Variants in PTPRN2 observed in about 807,000 individuals in gnomAD.
PTPRN2 encodes the protein protein tyrosine phosphatase receptor type N2, also known as receptor-type tyrosine-protein phosphatase N2.
PTPRN2 carries 74 observed loss-of-function variants against 118.8 expected under a neutral mutation model. That is an observed-to-expected ratio of 0.62 (90% CI 0.52 to 0.76). The LOEUF (loss-of-function observed/expected upper bound fraction) is 0.76, where lower values mean the gene tolerates loss of function less well. Ranked by LOEUF, PTPRN2 falls within the 30% of genes least tolerant of loss-of-function variation. The pLI, the probability that PTPRN2 is intolerant of heterozygous loss-of-function variation, is 0.00. For synonymous variants in PTPRN2, 641 were observed against 608.0 expected, an observed-to-expected ratio of 1.05 and a Z score of -0.80; for missense variants, 1,481 against 1,394.4, an observed-to-expected ratio of 1.06 and a Z score of -0.99.
chr7:158,575,089 G>A (rs1828252812), intron 1 of PTPRN2, among the ~76,000 whole-genome samples: 1 of 152,150 alleles, frequency 6.6e-6, no homozygotes. Flanking sequence ...TTCAACATTT[G>A]GAACATGCTA....
At chr7:158,541,755 G>A in intron 1 of PTPRN2, 6 of 1,193,396 alleles carry the variant, frequency 5.0e-6, no homozygotes, top group Non-Finnish European at 6.3e-6. Flanking sequence ...AACCCAAAAG[G>A]GCTGCGGACG....
intron 1 of PTPRN2, among the ~76,000 whole-genome samples, chr7:158,527,997 G>A (rs1824920219): frequency 6.6e-6 from 1 of 152,200 alleles, no homozygotes; most frequent in African/African-American, 2.4e-5. Flanking sequence ...ACACACAGCA[G>A]GGACTCAGCA....
chr7:157,637,964 G>C (rs986029158), intron 14 of PTPRN2, among the ~76,000 whole-genome samples: 5 of 152,244 alleles, frequency 3.3e-5, no homozygotes, highest in African/African-American at 4.8e-5. Context: ...TCCATAAGCA[G>C]AGGAGAAACA....
intron 11 of PTPRN2, among the ~76,000 whole-genome samples, chr7:158,021,399 T>C (rs1024185475): frequency 3.3e-5 from 5 of 152,004 alleles, no homozygotes; most frequent in African/African-American, 1.2e-4. Context: ...GACAAGACCA[T>C]GAGAAACTTC....
At chr7:157,661,459 C>T (rs895186506) in intron 13 of PTPRN2, among the ~76,000 whole-genome samples, 6 of 151,430 alleles carry the variant, frequency 4.0e-5, no homozygotes, top group African/African-American at 1.5e-4. Context: ...CTGCGGGCTT[C>T]CGCCTGGGAA....
chr7:158,185,711 A>G (rs10247715), intron 5 of PTPRN2, among the ~76,000 whole-genome samples: 97,070 of 151,984 alleles, frequency 0.64, 31,671 homozygotes, highest in East Asian at 0.78. Flanking sequence ...TCCATCCTTT[A>G]GGTCTAAGTT....
chr7:158,587,633 G>C lies in PTPRN2; in HGVS notation c.37C>G (p.Leu13Val), dbSNP rs2129453445. 1 of 1,369,910 alleles carries C rather than the reference G, an allele frequency of 7.3e-7. No homozygotes were observed. Among genetic ancestry groups the C allele is most frequent in the South Asian group, 1.7e-5 (1 of 59,210 alleles). The allele number at this position is 1,369,910 out of a possible 1,614,324, so 84.9% of individuals were successfully genotyped here. The change falls in exon 1 of 23, where the codon CTG becomes GTG. Residue 13 changes from leucine to valine, a missense_variant. Leu to Val is a conservative substitution (Grantham distance 32). Transcript: ENST00000389418. ...PPLPLLLLLL[L>V]LLPPRVLPAA... The stretch of plus-strand genomic sequence containing the variant: ...GGCAGGACGCGTGGCGGCAGCAGCA[G>C]CAGTAGCAGCAGCAGCAGCGGGAGC...
intron 3 of PTPRN2, among the ~76,000 whole-genome samples, chr7:158,237,990 C>T (rs2150843711): frequency 6.6e-6 from 1 of 152,304 alleles, no homozygotes; most frequent in African/African-American, 2.4e-5. Context: ...TCTGTGGCCA[C>T]ACCTGTGCTG....
At position 157,813,632 on chromosome 7, in the gene PTPRN2, C is replaced by T. The variant is rs141902669; in HGVS notation, c.1788+85041G>A. Among the ~76,000 whole-genome samples the T allele has an allele frequency of 2.5e-4, 38 of 152,038 alleles. No homozygotes were observed. Among genetic ancestry groups the T allele is most frequent in the African/African-American group, 8.2e-4 (34 of 41,312 alleles). On this transcript the variant is annotated intron_variant, in intron 12 of 22. Coordinates refer to ENST00000389418, the MANE Select transcript of PTPRN2 (RefSeq NM_002847.5). This position sits in a 1 kb window ranked among gnomAD's most constrained non-coding sequence, Gnocchi z 4.7. ...CGCCTTTGCTGCCTCTGGGCGGGTC[C>T]GGGGGAGTCGCATTTCTTCCTCACT...
At position 157,788,712 on chromosome 7, in the gene PTPRN2, T is replaced by C. The variant is rs181196741; in HGVS notation, c.1789-105775A>G. ...GGCCTCTGGGGCCACCCAACTGCCA[T>C]GCAGGAGGCCTCCGGGGCCACCCCA... On this transcript the variant is annotated intron_variant, in intron 12 of 22. Transcript: ENST00000389418. Among the ~76,000 whole-genome samples, 559 of 152,164 alleles carry C rather than the reference T, an allele frequency of 3.7e-3. 2 individuals are homozygous for C. Among genetic ancestry groups the C allele is most frequent in the African/African-American group, 0.012 (507 of 41,506 alleles).
rs180698371 is a variant in PTPRN2, at chr7:157,894,177, C to T, written c.1788+4496G>A. On this transcript the variant is annotated intron_variant, in intron 12 of 22. Coordinates refer to ENST00000389418, the MANE Select transcript of PTPRN2 (RefSeq NM_002847.5). ...ACACGCACATCGAAATCCCGCATGA[C>T]GCATGGCATCAACTCTGAGGGGCAC... is the stretch of plus-strand genomic sequence containing the variant. 3.6e-3 allele frequency among the ~76,000 whole-genome samples: 547 copies of T among 152,328 alleles called. 3 individuals carry two copies. Among genetic ancestry groups the T allele is most frequent in the Middle Eastern group, 6.8e-3 (2 of 294 alleles).
chr7:158,483,505 A>G (rs2129445043), intron 2 of PTPRN2, among the ~76,000 whole-genome samples: 1 of 152,348 alleles, frequency 6.6e-6, no homozygotes, highest in Admixed American at 6.5e-5. Flanking sequence ...TTTGGGGACA[A>G]CGCTAGTGCT....
At chr7:158,068,964 T>A (rs1172639036) in intron 11 of PTPRN2, among the ~76,000 whole-genome samples, 1 of 152,204 alleles carries the variant, frequency 6.6e-6, no homozygotes, top group Non-Finnish European at 1.5e-5. Flanking sequence ...AAACTTCCCT[T>A]CCCAAGCTGC....
chr7:157,679,575 T>G (rs2150801831), intron 13 of PTPRN2, among the ~76,000 whole-genome samples: 1 of 152,328 alleles, frequency 6.6e-6, no homozygotes, highest in Non-Finnish European at 1.5e-5. Flanking sequence ...TTTGAAGGTG[T>G]TTGCATTAGA....
At chr7:158,436,718 A>G (rs1024136930) in intron 2 of PTPRN2, among the ~76,000 whole-genome samples, 2 of 152,358 alleles carry the variant, frequency 1.3e-5, no homozygotes, top group East Asian at 1.9e-4. Flanking sequence ...GTTTTCTTCC[A>G]TCACATGCGA....
intron 11 of PTPRN2, among the ~76,000 whole-genome samples, chr7:157,933,924 G>A (rs1224482372): frequency 6.6e-6 from 1 of 151,972 alleles, no homozygotes; most frequent in East Asian, 1.9e-4. Flanking sequence ...TAGAGGAGGG[G>A]TGAGTCACTC....
chr7:157,930,502 T>G (rs1375694911), intron 11 of PTPRN2, among the ~76,000 whole-genome samples: 3 of 152,214 alleles, frequency 2.0e-5, no homozygotes, highest in Non-Finnish European at 4.4e-5. Flanking sequence ...CCATTTCCTG[T>G]GTGAAGCTCA....
At chr7:158,257,215 G>A (rs937014380) in intron 3 of PTPRN2, among the ~76,000 whole-genome samples, 7 of 152,170 alleles carry the variant, frequency 4.6e-5, no homozygotes, top group Admixed American at 2.6e-4. Context: ...GGAGAGACCC[G>A]GGCACACGGC....
At position 158,321,722 on chromosome 7, in the gene PTPRN2, A is replaced by G. The variant is rs553172390; in HGVS notation, c.164-4790T>C. Among the ~76,000 whole-genome samples, 82 of 152,342 alleles carry G rather than the reference A, an allele frequency of 5.4e-4. 2 individuals carry two copies. In the South Asian group the frequency reaches 0.017, roughly 31 times the overall value. On this transcript the variant is annotated intron_variant, in intron 2 of 22. Transcript: ENST00000389418. Reference sequence around the variant, plus strand: ...ATGGGAGATGAGAACAGGTTTGCCTATGAAAACTGTGGGCTCCCTGTCCAC... The same window carrying G: ...ATGGGAGATGAGAACAGGTTTGCCTGTGAAAACTGTGGGCTCCCTGTCCAC...
Sources: allele counts gnomAD v4.1 joint callset (sites outside exome capture counted in the v4.1 genomes callset), GRCh38; gene constraint gnomAD v4.1.1; non-coding constraint Gnocchi (gnomAD v3.1); transcripts MANE v1.5; gene names NCBI Gene and HGNC (gene_info 2026-07-23, HGNC 2026-07-21).